The following CADPS2 variants were observed in gnomAD, a reference collection of about 807,000 sequenced individuals.
CADPS2 encodes the protein calcium-dependent secretion activator 2.
A neutral mutation model predicts 172.5 loss-of-function variants in CADPS2; 93 were observed. The ratio of observed to expected loss-of-function variants is 0.54; its 90% CI spans 0.46 to 0.64. The LOEUF (loss-of-function observed/expected upper bound fraction) is 0.64. Among genes scored for constraint, CADPS2 ranks in the 30% least tolerant of loss-of-function variants. The pLI is 0.00. For synonymous variants in CADPS2, 546 were observed against 555.2 expected (o/e 0.98, Z 0.23); for missense variants, 1,420 against 1,565.9 (o/e 0.91, Z 1.57).
chr7:122,425,425 CAAAAAA>C (rs71159797), intron 17 of CADPS2, among the ~76,000 whole-genome samples: 86 of 72,674 alleles, frequency 1.2e-3, no homozygotes, highest in African/African-American at 4.3e-3. Flanking sequence ...CTATCTCTAC[CAAAAAA>C]AAAAAAAAAA....
intron 1 of CADPS2, among the ~76,000 whole-genome samples, chr7:122,833,509 GTCC>G (rs911283648): frequency 1.3e-5 from 2 of 151,578 alleles, no homozygotes; most frequent in African/African-American, 4.8e-5. Flanking sequence ...AAGTGCCCCC[GTCC>G]TCCCACCACA....
intron 8 of CADPS2, among the ~76,000 whole-genome samples, chr7:122,515,938 G>C (rs548538023): frequency 6.9e-6 from 1 of 144,956 alleles, no homozygotes; most frequent in East Asian, 1.9e-4. Flanking sequence ...AATATATTTG[G>C]AAAAAAAACA....
At chr7:122,435,693 C>T (rs535785879) in intron 17 of CADPS2, among the ~76,000 whole-genome samples, 1 of 152,176 alleles carries the variant, frequency 6.6e-6, no homozygotes, top group African/African-American at 2.4e-5. Context: ...AAATTGAAAT[C>T]AGGATCTCAA....
At chr7:122,484,451 T>C (rs1346244515) in intron 11 of CADPS2, among the ~76,000 whole-genome samples, 1 of 149,750 alleles carries the variant, frequency 6.7e-6, no homozygotes, top group Non-Finnish European at 1.5e-5. Flanking sequence ...GACATCCATA[T>C]GCCATCCAGA....
At chr7:122,526,930 G>A (rs2061287672) in intron 8 of CADPS2, among the ~76,000 whole-genome samples, 1 of 152,148 alleles carries the variant, frequency 6.6e-6, no homozygotes, top group South Asian at 2.1e-4. Context: ...TCCTTCATAT[G>A]GCAGACACTC....
At chr7:122,708,896 T>G (rs1371441590) in intron 2 of CADPS2, among the ~76,000 whole-genome samples, 1 of 151,872 alleles carries the variant, frequency 6.6e-6, no homozygotes, top group Non-Finnish European at 1.5e-5. Context: ...AAGGAAGAGG[T>G]AAATAGTCTT....
At chr7:122,743,399 T>G (rs2092583681) in intron 1 of CADPS2, among the ~76,000 whole-genome samples, 1 of 152,166 alleles carries the variant, frequency 6.6e-6, no homozygotes, top group Non-Finnish European at 1.5e-5. Context: ...TTTATACTAC[T>G]GCAGGAGACC....
intron 25 of CADPS2, among the ~76,000 whole-genome samples, chr7:122,364,597 G>A (rs2040608849): frequency 6.6e-6 from 1 of 151,654 alleles, no homozygotes; most frequent in East Asian, 1.9e-4. Flanking sequence ...TGTGGTGGCA[G>A]GTGCCTATAG....
At chr7:122,851,496 C>T (rs530111536) in intron 1 of CADPS2, among the ~76,000 whole-genome samples, 2 of 152,260 alleles carry the variant, frequency 1.3e-5, no homozygotes, top group East Asian at 3.9e-4. Flanking sequence ...AGCATGTAAA[C>T]CAGTACTAAA....
intron 1 of CADPS2, among the ~76,000 whole-genome samples, chr7:122,759,872 T>C (rs138750994): frequency 4.6e-4 from 70 of 152,218 alleles, no homozygotes; most frequent in East Asian, 1.9e-3. Flanking sequence ...AAAATCTAAA[T>C]AGGATTATTC....
chr7:122,443,569 T>C (rs891710646), intron 15 of CADPS2, among the ~76,000 whole-genome samples: 1 of 149,286 alleles, frequency 6.7e-6, no homozygotes, highest in Non-Finnish European at 1.5e-5. Flanking sequence ...GCCCTTTTTG[T>C]TCCCTATTTT....
chr7:122,670,122 A>C (rs1203131707), intron 2 of CADPS2, among the ~76,000 whole-genome samples: 1 of 151,950 alleles, frequency 6.6e-6, no homozygotes, highest in Non-Finnish European at 1.5e-5. Flanking sequence ...TCAGAGGTTT[A>C]TCTGGCAGCC....
chr7:122,847,805 T>G (rs1015462495), intron 1 of CADPS2, among the ~76,000 whole-genome samples: 3 of 152,222 alleles, frequency 2.0e-5, no homozygotes, highest in Non-Finnish European at 4.4e-5. Flanking sequence ...ATGCAAATTG[T>G]TTCACATATG....
intron 3 of CADPS2, among the ~76,000 whole-genome samples, chr7:122,640,560 G>A (rs2077518284): frequency 6.6e-6 from 1 of 151,402 alleles, no homozygotes; most frequent in African/African-American, 2.4e-5. Context: ...AGCCTGAATG[G>A]ACAAAATTTA....
intron 1 of CADPS2, among the ~76,000 whole-genome samples, chr7:122,786,252 TG>T (rs1794013221): frequency 6.6e-6 from 1 of 152,172 alleles, no homozygotes; most frequent in Admixed American, 6.5e-5. Context: ...TGAGAAGCCA[TG>T]AAGAATGGTT....
At chr7:122,611,323 A>C (rs980333427) in intron 6 of CADPS2, among the ~76,000 whole-genome samples, 2 of 152,016 alleles carry the variant, frequency 1.3e-5, no homozygotes, top group Non-Finnish European at 2.9e-5. Flanking sequence ...GGCTAAGAAA[A>C]AAGAAAGGCT....
intron 16 of CADPS2, among the ~76,000 whole-genome samples, chr7:122,439,607 C>T (rs990989650): frequency 1.9e-4 from 29 of 152,062 alleles, no homozygotes; most frequent in Non-Finnish European, 1.9e-4. Context: ...TCTTTGATGA[C>T]ATTTTAAATA....
rs147239954 is a variant in CADPS2 at position 122,686,874 on chromosome 7, G to A, written c.454-23305C>T. Among the ~76,000 whole-genome samples the A allele has an allele frequency of 5.8e-3, 883 of 152,124 alleles. 13 individuals carry two copies. The highest frequency in any genetic ancestry group is 0.02 in the African/African-American group (846 of 41,472). On this transcript the variant is annotated intron_variant, in intron 2 of 29. Transcript: ENST00000449022. ...TAACTTTTGTATTTTTAGTAGAGAC[G>A]GGGTTTTACCATGTTGGCCAGGCTG...
intron 1 of CADPS2, among the ~76,000 whole-genome samples, chr7:122,841,957 A>G (rs1810651925): frequency 6.6e-6 from 1 of 152,200 alleles, no homozygotes; most frequent in African/African-American, 2.4e-5. Flanking sequence ...TCTTTACAGA[A>G]GGATGATTTA....
Sources: allele counts gnomAD v4.1 joint callset (sites outside exome capture counted in the v4.1 genomes callset), GRCh38; gene constraint gnomAD v4.1.1; transcripts MANE v1.5; gene names NCBI Gene and HGNC (gene_info 2026-07-23, HGNC 2026-07-21).